The following TENM4 variants were observed in gnomAD, a reference collection of about 807,000 sequenced individuals.
TENM4 encodes teneurin transmembrane protein 4.
A neutral mutation model predicts 243.3 loss-of-function variants in TENM4; 82 were observed. The ratio of observed to expected loss-of-function variants is 0.34; its 90% confidence interval spans 0.28 to 0.40. TENM4 has a LOEUF of 0.40. TENM4 is among the 10% of genes least tolerant of loss of function. The probability of loss-of-function intolerance (pLI) is 1.00; values close to 1 mark genes in which losing one functional copy is unlikely to be tolerated. For missense variants in TENM4, 3,138 were observed against 3,673.3 expected, an observed-to-expected ratio of 0.85 and a Z score of 3.77; for synonymous variants, 1,412 against 1,456.3, an observed-to-expected ratio of 0.97 and a Z score of 0.69.
At chr11:79,084,020 T>G (rs1292271138) in intron 4 of TENM4, among the ~76,000 whole-genome samples, 1 of 151,820 alleles carries the variant, frequency 6.6e-6, no homozygotes, top group Non-Finnish European at 1.5e-5. Flanking sequence ...AATGCAACAG[T>G]GAGAAACAAA....
intron 3 of TENM4, among the ~76,000 whole-genome samples, chr11:79,207,618 A>G (rs1220390955): frequency 6.6e-6 from 1 of 151,994 alleles, no homozygotes. Context: ...TAATCCCAGC[A>G]CTTTGGGAGG....
At chr11:79,400,454 G>A (rs980021200) in intron 1 of TENM4, among the ~76,000 whole-genome samples, 6 of 152,044 alleles carry the variant, frequency 3.9e-5, no homozygotes, top group African/African-American at 1.4e-4. Context: ...CTCTATGCTG[G>A]CACATCCCCA....
chr11:78,764,877 G>A (rs1465497677), intron 18 of TENM4, among the ~76,000 whole-genome samples: 1 of 152,130 alleles, frequency 6.6e-6, no homozygotes, highest in African/African-American at 2.4e-5. Context: ...ATTATTTCCT[G>A]GAAGACAGAA....
At chr11:79,043,170 CTG>C (rs1859579699) in intron 6 of TENM4, among the ~76,000 whole-genome samples, 1 of 152,224 alleles carries the variant, frequency 6.6e-6, no homozygotes, top group South Asian at 2.1e-4. Flanking sequence ...ATTCCCTCAG[CTG>C]TTACTTAAGT....
chr11:78,912,246 G>A (rs1856204754), intron 6 of TENM4, among the ~76,000 whole-genome samples: 1 of 152,166 alleles, frequency 6.6e-6, no homozygotes, highest in Non-Finnish European at 1.5e-5. Context: ...AGGGTGTTCA[G>A]AAAGAGGGCT....
intron 28 of TENM4, among the ~76,000 whole-genome samples, chr11:78,692,092 G>T (rs1265935396): frequency 6.6e-6 from 1 of 152,156 alleles, no homozygotes; most frequent in Non-Finnish European, 1.5e-5. Flanking sequence ...AACTCCCTGG[G>T]CTCCAAGTGG....
At chr11:78,908,348 G>A (rs1052624952) in intron 6 of TENM4, among the ~76,000 whole-genome samples, 9 of 152,218 alleles carry the variant, frequency 5.9e-5, no homozygotes, top group African/African-American at 1.2e-4. Flanking sequence ...GATAATGTAT[G>A]TGAGTACTTA....
At chr11:79,013,520 C>T (rs1387276112) in intron 6 of TENM4, among the ~76,000 whole-genome samples, 1 of 152,208 alleles carries the variant, frequency 6.6e-6, no homozygotes, top group Non-Finnish European at 1.5e-5. Flanking sequence ...GGGTGCAGGC[C>T]TGGCGCAGCC....
intron 28 of TENM4, among the ~76,000 whole-genome samples, chr11:78,699,349 T>C (rs1447651171): frequency 6.6e-6 from 1 of 152,266 alleles, no homozygotes; most frequent in African/African-American, 2.4e-5. Flanking sequence ...ACTTGTGTTC[T>C]GGTTCTGCTA....
At position 78,914,305 on chromosome 11, in the gene TENM4, A is replaced by C. The variant is rs370542496; in HGVS notation, c.494-10782T>G. 5.3e-5 allele frequency among the ~76,000 whole-genome samples: 8 copies of C among 152,218 alleles called. No individual in the cohort carries two copies. In the East Asian group the frequency reaches 1.5e-3, roughly 29 times the overall value. ...CCTCTCAGGGAATTTCTTGGAAAGA[A>C]GGAAATAGCGAGAATACTACTGCTG... On this transcript the variant is annotated intron_variant, in intron 6 of 33. Coordinates refer to ENST00000278550, the MANE Select transcript of TENM4 (RefSeq NM_001098816.3).
At chr11:79,175,914 G>A (rs964491904) in intron 3 of TENM4, among the ~76,000 whole-genome samples, 1 of 152,032 alleles carries the variant, frequency 6.6e-6, no homozygotes, top group Non-Finnish European at 1.5e-5. Context: ...AGGAGACCAT[G>A]TCTCTGCAAA....
Position 79,212,530 on chromosome 11 carries a change from A to G in TENM4, c.-163+3278T>C, listed in dbSNP as rs1255931433. ...TAACCTACTCAAATCCTTTTTGGAAAGGGGGTGGGAAGGCATGACTGAATG... is the reference window on the plus strand; with the variant it reads ...TAACCTACTCAAATCCTTTTTGGAAGGGGGGTGGGAAGGCATGACTGAATG... On this transcript the variant is annotated intron_variant, in intron 3 of 33. Transcript: ENST00000278550. Among the ~76,000 whole-genome samples the G allele has an allele frequency of 4.6e-5, 7 of 152,214 alleles. No homozygotes were observed. The East Asian group carries it at 9.6e-4, about 21-fold the overall frequency.
chr11:78,685,593 C>A (rs1281414538), intron 29 of TENM4, among the ~76,000 whole-genome samples: 1 of 152,094 alleles, frequency 6.6e-6, no homozygotes, highest in African/African-American at 2.4e-5. Context: ...TTGATGAATA[C>A]ATTTAAAAAC....
intron 1 of TENM4, among the ~76,000 whole-genome samples, chr11:79,436,455 A>G (rs1361895606): frequency 6.6e-6 from 1 of 152,236 alleles, no homozygotes; most frequent in Non-Finnish European, 1.5e-5. Flanking sequence ...CAGAGCCATG[A>G]TTCCAACCCA....
intron 20 of TENM4, among the ~76,000 whole-genome samples, chr11:78,735,846 C>CCTCCA (rs1213897435): frequency 6.7e-6 from 1 of 150,116 alleles, no homozygotes; most frequent in Non-Finnish European, 1.5e-5. Flanking sequence ...CCACCCCTCC[C>CCTCCA]CTCCCCTCCT....
intron 6 of TENM4, among the ~76,000 whole-genome samples, chr11:79,059,741 A>G (rs953625732): frequency 6.6e-6 from 1 of 152,138 alleles, no homozygotes; most frequent in Non-Finnish European, 1.5e-5. Context: ...TTAAACAATA[A>G]CTCCCCAACA....
intron 12 of TENM4, among the ~76,000 whole-genome samples, chr11:78,817,130 T>C (rs1857623121): frequency 6.6e-6 from 1 of 152,290 alleles, no homozygotes; most frequent in African/African-American, 2.4e-5. Context: ...AGGGTAGTAC[T>C]GTGGCAGCTG....
intron 2 of TENM4, among the ~76,000 whole-genome samples, chr11:79,251,550 G>A (rs976359700): frequency 6.6e-6 from 1 of 152,044 alleles, no homozygotes; most frequent in East Asian, 1.9e-4. Context: ...TGAATGCAGG[G>A]AAATCCCACT....
chr11:79,236,588 C>G (rs1407273206), intron 2 of TENM4, among the ~76,000 whole-genome samples: 4 of 152,128 alleles, frequency 2.6e-5, no homozygotes, highest in African/African-American at 4.8e-5. Flanking sequence ...AGCGAACCCT[C>G]AGAACACAAC....
Sources: allele counts gnomAD v4.1 joint callset (sites outside exome capture counted in the v4.1 genomes callset), GRCh38; gene constraint gnomAD v4.1.1; transcripts MANE v1.5; gene names NCBI Gene and HGNC (gene_info 2026-07-23, HGNC 2026-07-21).